Variants in DKK3 observed in about 807,000 individuals in gnomAD.
DKK3 encodes dickkopf-related protein 3.
Under a neutral mutation model 33.2 loss-of-function variants are expected in DKK3, and 22 were observed. The ratio of observed to expected loss-of-function variants is 0.66; its 90% CI spans 0.47 to 0.95. The LOEUF (loss-of-function observed/expected upper bound fraction) is 0.95. Ranked by LOEUF, DKK3 falls within the 40% of genes least tolerant of loss-of-function variation. DKK3 has a pLI of 0.00. For synonymous variants in DKK3, 194 were observed against 188.8 expected, an observed-to-expected ratio of 1.03 and a Z score of -0.23; for missense variants, 398 against 458.4, an observed-to-expected ratio of 0.87 and a Z score of 1.20.
chr11:11,980,157 A>G (rs927228207), intron 3 of DKK3, among the ~76,000 whole-genome samples: 5 of 152,100 alleles, frequency 3.3e-5, no homozygotes, highest in African/African-American at 1.2e-4. Context: ...AGAAAACCAA[A>G]CTTGCCCCCC....
Position 11,963,161 on chromosome 11 carries a change from T to C in DKK3, c.*1303A>G, listed in dbSNP as rs549745571. 1 of 152,808 alleles carries C rather than the reference T, an allele frequency of 6.5e-6. No homozygotes were observed. Among genetic ancestry groups the C allele is most frequent in the South Asian group, 2.1e-4 (1 of 4,830 alleles). 9.5% of individuals were successfully genotyped at this position (152,808 alleles called of 1,614,324 possible). A position where few individuals can be genotyped will look rare whatever the true frequency, so the allele number is the denominator to read the frequency against. ...AAATGCAACTTATGTTTATACATAATTTAAAACTCAAAGAAAGCATGCTTA... is the reference window on the plus strand; with the variant it reads ...AAATGCAACTTATGTTTATACATAACTTAAAACTCAAAGAAAGCATGCTTA... On this transcript the variant is annotated 3_prime_UTR_variant, in exon 7 of 7. Transcript: ENST00000683431.
chr11:11,980,441 C>A (rs1046237986), intron 3 of DKK3, among the ~76,000 whole-genome samples: 4 of 152,326 alleles, frequency 2.6e-5, no homozygotes, highest in Non-Finnish European at 5.9e-5. Context: ...CCTACTCCAG[C>A]AACCATGACC....
chr11:11,970,192 A>T (rs1847694214), intron 3 of DKK3, among the ~76,000 whole-genome samples: 2 of 152,344 alleles, frequency 1.3e-5, no homozygotes, highest in South Asian at 4.1e-4. Context: ...CCCTTCTCTG[A>T]ACCAGCCATA....
upstream of DKK3, chr11:12,008,782 C>T: frequency 1.7e-6 from 2 of 1,185,678 alleles, no homozygotes; most frequent in Non-Finnish European, 2.1e-6. This position sits in a 1 kb window ranked among gnomAD's most constrained non-coding sequence, Gnocchi z 4.6. Context: ...CCCGAAAAGA[C>T]GCGACCCCAC....
At chr11:11,987,641 C>T (rs1455852138) in intron 3 of DKK3, among the ~76,000 whole-genome samples, 3 of 152,234 alleles carry the variant, frequency 2.0e-5, no homozygotes, top group Non-Finnish European at 2.9e-5. Context: ...GGATGGGCCA[C>T]ATGTGTTCCT....
intron 2 of DKK3, among the ~76,000 whole-genome samples, chr11:12,001,090 G>A (rs11544817): frequency 0.092 from 13,945 of 152,208 alleles, 755 homozygotes; most frequent in Middle Eastern, 0.15. Flanking sequence ...TCACACTCAG[G>A]TATTCTGACA....
upstream of DKK3, chr11:12,008,971 T>C: frequency 1.0e-6 from 1 of 1,003,618 alleles, no homozygotes; most frequent in Middle Eastern, 4.9e-4. The surrounding 1 kb of genome is among the most constrained non-coding windows in gnomAD (Gnocchi z 4.6). Flanking sequence ...GTTCAAACCC[T>C]AGCCCCTCCT....
At position 12,002,450 on chromosome 11, in the gene DKK3, T is replaced by C. The variant is rs367632572; in HGVS notation, c.214-13A>G. On this transcript the variant is annotated splice_polypyrimidine_tract_variant and intron_variant, in intron 1 of 6. Coordinates refer to ENST00000683431, the MANE Select transcript of DKK3 (RefSeq NM_001018057.2). The stretch of plus-strand genomic sequence containing the variant: ...CTTCTGCCTCCATCTATTAAATCGA[T>C]GAATTTAATGAGCAAAATTATTTTC... The C allele has an allele frequency of 5.0e-6, 8 of 1,604,262 alleles. No homozygotes were observed. Among genetic ancestry groups the C allele is most frequent in the Admixed American group, 1.7e-5 (1 of 58,790 alleles).
chr11:11,985,234 T>C (rs1383130717), intron 3 of DKK3, among the ~76,000 whole-genome samples: 1 of 152,164 alleles, frequency 6.6e-6, no homozygotes, highest in Non-Finnish European at 1.5e-5. Flanking sequence ...GATTCCTTTG[T>C]GCTCCAGCAC....
intron 3 of DKK3, among the ~76,000 whole-genome samples, chr11:11,997,240 T>C (rs1848316283): frequency 1.3e-5 from 2 of 152,182 alleles, no homozygotes; most frequent in Admixed American, 6.5e-5. Flanking sequence ...TTTTTTTGAC[T>C]TGAGAACAAA....
intron 6 of DKK3, among the ~76,000 whole-genome samples, chr11:11,965,003 CTG>C (rs1847553311): frequency 1.3e-5 from 2 of 152,338 alleles, no homozygotes; most frequent in South Asian, 4.1e-4. Context: ...CCCTCAAAGA[CTG>C]TGGCCCATTC....
intron 3 of DKK3, among the ~76,000 whole-genome samples, chr11:11,969,924 G>A (rs893122026): frequency 2.0e-5 from 3 of 152,222 alleles, no homozygotes; most frequent in Admixed American, 6.5e-5. Context: ...GAAAACCGAG[G>A]CTCCGAGTAG....
intron 3 of DKK3, among the ~76,000 whole-genome samples, chr11:11,984,001 A>G (rs1027915303): frequency 6.6e-6 from 1 of 152,236 alleles, no homozygotes; most frequent in Admixed American, 6.5e-5. Context: ...CAATGAAGGC[A>G]ACAGACAGAT....
chr11:11,991,443 G>C (rs1848185755), intron 3 of DKK3, among the ~76,000 whole-genome samples: 1 of 152,122 alleles, frequency 6.6e-6, no homozygotes, highest in Non-Finnish European at 1.5e-5. Flanking sequence ...AAAGAGGCTG[G>C]ACATAGTGGC....
At chr11:11,999,138 C>A (rs1438325025) in intron 2 of DKK3, among the ~76,000 whole-genome samples, 2 of 152,168 alleles carry the variant, frequency 1.3e-5, no homozygotes, top group Non-Finnish European at 2.9e-5. Context: ...CAACTTTATT[C>A]TTGACAAATT....
chr11:11,989,972 A>G (rs887738195), intron 3 of DKK3, among the ~76,000 whole-genome samples: 1 of 152,216 alleles, frequency 6.6e-6, no homozygotes, highest in East Asian at 1.9e-4. Context: ...TGCCTGGCAC[A>G]GCGCCTGACT....
upstream of DKK3, chr11:12,009,050 C>G (rs2133344634): frequency 4.1e-6 from 4 of 987,592 alleles, no homozygotes; most frequent in African/African-American, 1.7e-5. Flanking sequence ...TGGGGTGGAC[C>G]AAGCACAGGT....
intron 3 of DKK3, among the ~76,000 whole-genome samples, chr11:11,985,633 A>G (rs576007592): frequency 1.2e-4 from 18 of 151,898 alleles, no homozygotes; most frequent in Admixed American, 9.8e-4. Context: ...GTAAATCCCA[A>G]CTCTGCCACT....
At position 11,967,067 on chromosome 11, in the gene DKK3, T is replaced by C; in HGVS notation, c.560A>G (p.Asp187Gly). 6.2e-7 allele frequency: 1 copy of C among 1,613,698 alleles called. No homozygotes were observed. Among genetic ancestry groups the C allele is most frequent in the East Asian group, 2.2e-5 (1 of 44,856 alleles). ...LCTRDSECCG[D>G]QLCVWGHCTK... ...GCAGTGACCCCAGACACACAGCTGG[T>C]CTCCACAGCACTCACTGTCCCGGGT... The change falls in exon 5 of 7, where the codon GAC becomes GGC. Residue 187 changes from aspartate (D) to glycine (G), a missense_variant. Coordinates refer to ENST00000683431, the MANE Select transcript of DKK3 (RefSeq NM_001018057.2).
Sources: allele counts gnomAD v4.1 joint callset (sites outside exome capture counted in the v4.1 genomes callset), GRCh38; gene constraint gnomAD v4.1.1; non-coding constraint Gnocchi (gnomAD v3.1); transcripts MANE v1.5; gene names NCBI Gene and HGNC (gene_info 2026-07-23, HGNC 2026-07-21).